Variants in COL26A1 observed in about 807,000 individuals in gnomAD.
COL26A1 encodes collagen alpha-1(XXVI) chain.
COL26A1 carries 41 observed loss-of-function variants against 59.3 expected under a neutral mutation model. That is an observed-to-expected ratio of 0.69 (90% confidence interval 0.54 to 0.90). The LOEUF (loss-of-function observed/expected upper bound fraction) is 0.90, where lower values mean the gene tolerates loss of function less well. Among genes scored for constraint, COL26A1 ranks in the 40% least tolerant of loss-of-function variants. COL26A1 has a pLI of 0.00. For missense variants in COL26A1, 612 were observed against 602.3 expected (o/e 1.02, Z -0.17); for synonymous variants, 266 against 256.0 (o/e 1.04, Z -0.37).
chr7:101,469,495 CTTTT>C (rs36116265), intron 3 of COL26A1, among the ~76,000 whole-genome samples: 1 of 145,150 alleles, frequency 6.9e-6, no homozygotes. Context: ...CGATTTCTCT[CTTTT>C]TTTTTTTTTT....
chr7:101,385,147 A>C lies in COL26A1; in HGVS notation c.158+21957A>C, dbSNP rs151334160. On this transcript the variant is annotated intron_variant, in intron 1 of 12. Coordinates refer to ENST00000313669, the MANE Select transcript of COL26A1 (RefSeq NM_001278563.3). ...TGACTCAACTGTTAATCTCCTCTGA[A>C]AACACCCAGAAACAACTAGAAACAA... 9.5e-4 allele frequency among the ~76,000 whole-genome samples: 143 copies of C among 150,052 alleles called. 2 individuals are homozygous for C. The East Asian group carries it at 0.017, about 18-fold the overall frequency.
At chr7:101,388,765 A>T (rs1791654165) in intron 1 of COL26A1, 1 of 152,204 alleles carries the variant, frequency 6.6e-6, no homozygotes. Flanking sequence ...ACAGGGTTTC[A>T]CCATGTTGGC....
chr7:101,376,843 ATTTTC>A (rs1791329738), intron 1 of COL26A1, among the ~76,000 whole-genome samples: 1 of 151,702 alleles, frequency 6.6e-6, no homozygotes, highest in African/African-American at 2.4e-5. Flanking sequence ...CTGAGGATTT[ATTTTC>A]TTTATTTTAT....
chr7:101,484,820 G>C (rs1794233880), intron 3 of COL26A1, among the ~76,000 whole-genome samples: 1 of 150,136 alleles, frequency 6.7e-6, no homozygotes, highest in African/African-American at 2.4e-5. Flanking sequence ...GTGCCACCAT[G>C]CCTGGCTAAT....
chr7:101,399,886 G>T (rs1044715967), intron 1 of COL26A1, among the ~76,000 whole-genome samples: 1 of 152,088 alleles, frequency 6.6e-6, no homozygotes, highest in African/African-American at 2.4e-5. Context: ...TTCTTCCATG[G>T]CCCCCGCTGC....
At chr7:101,456,459 G>T (rs1483870542) in intron 3 of COL26A1, among the ~76,000 whole-genome samples, 2 of 152,046 alleles carry the variant, frequency 1.3e-5, no homozygotes, top group Non-Finnish European at 2.9e-5. Context: ...GAGGTCGGGA[G>T]TTCGAGACCA....
At chr7:101,489,553 C>A (rs1794338697) in intron 3 of COL26A1, among the ~76,000 whole-genome samples, 3 of 152,188 alleles carry the variant, frequency 2.0e-5, no homozygotes, top group Admixed American at 6.5e-5. Flanking sequence ...TCCTCAGCCT[C>A]CTAAGTAGCT....
At chr7:101,386,983 C>T (rs977505105) in intron 1 of COL26A1, among the ~76,000 whole-genome samples, 2 of 152,120 alleles carry the variant, frequency 1.3e-5, no homozygotes, top group African/African-American at 4.8e-5. Flanking sequence ...AGAACCTGGC[C>T]ACGCCCCTGG....
intron 3 of COL26A1, among the ~76,000 whole-genome samples, chr7:101,489,823 TTTC>T (rs1563008111): frequency 1.0e-3 from 9 of 8,946 alleles, no homozygotes; most frequent in East Asian, 2.3e-3. Context: ...TCTTTCTTTC[TTTC>T]TTTCTTTCTT....
At chr7:101,402,535 C>A (rs1792032439) in intron 1 of COL26A1, among the ~76,000 whole-genome samples, 1 of 151,870 alleles carries the variant, frequency 6.6e-6, no homozygotes, top group Non-Finnish European at 1.5e-5. Context: ...TTTTCTCTTT[C>A]TTTTCTTCTT....
At chr7:101,545,217 T>C in intron 6 of COL26A1, 121 bp from the exon 7 acceptor site, 1 of 838,372 alleles carries the variant, frequency 1.2e-6, no homozygotes. Flanking sequence ...AGGTCACCAC[T>C]GACTGCCTGT....
At chr7:101,509,721 C>G (rs1238351809) in intron 3 of COL26A1, among the ~76,000 whole-genome samples, 1 of 152,078 alleles carries the variant, frequency 6.6e-6, no homozygotes, top group Non-Finnish European at 1.5e-5. Context: ...CCTCTTTCAG[C>G]ACTGGGGGCT....
intron 2 of COL26A1, among the ~76,000 whole-genome samples, chr7:101,441,809 C>T (rs576401763): frequency 2.6e-5 from 4 of 152,188 alleles, no homozygotes; most frequent in South Asian, 4.1e-4. Context: ...TGGGGACGGC[C>T]GAAGGGTGTG....
At position 101,540,060 on chromosome 7, in the gene COL26A1, G is replaced by A; in HGVS notation, c.604+11G>A. On this transcript the variant is annotated intron_variant, in intron 5 of 12. Transcript: ENST00000313669. ...CCACGGGCCCAGCCGGTGAGTGAGG[G>A]CTGCAGAGAGGACAGGCTGGGGCAG... 1 of 1,608,640 alleles carries A rather than the reference G, an allele frequency of 6.2e-7. No individual in the cohort carries two copies. The highest frequency in any genetic ancestry group is 8.5e-7 in the Non-Finnish European group (1 of 1,178,024).
chr7:101,535,675 G>A (rs142476985), intron 4 of COL26A1, among the ~76,000 whole-genome samples: 3,311 of 152,292 alleles, frequency 0.022, 48 homozygotes, highest in Middle Eastern at 0.088. Context: ...ACAGCAGTGC[G>A]TGGGAGGAGC....
At chr7:101,443,886 T>TTC (rs1793121294) in intron 2 of COL26A1, among the ~76,000 whole-genome samples, 1 of 150,754 alleles carries the variant, frequency 6.6e-6, no homozygotes, top group Non-Finnish European at 1.5e-5. Context: ...TTTTTTTTTT[T>TTC]TTCAGAGACA....
chr7:101,460,126 C>T (rs558839201), intron 3 of COL26A1, among the ~76,000 whole-genome samples: 1 of 152,240 alleles, frequency 6.6e-6, no homozygotes, highest in East Asian at 1.9e-4. Context: ...CAAAATGAGC[C>T]GAGTGCATAG....
intron 3 of COL26A1, among the ~76,000 whole-genome samples, chr7:101,530,729 C>T (rs983757096): frequency 2.6e-5 from 4 of 152,034 alleles, no homozygotes; most frequent in African/African-American, 9.7e-5. Context: ...CTTTGGCAGG[C>T]CCCTGTTTCC....
At chr7:101,520,633 T>TATACACACACACACACACACACACACAC (rs1452059213) in intron 3 of COL26A1, among the ~76,000 whole-genome samples, 3 of 137,224 alleles carry the variant, frequency 2.2e-5, no homozygotes, top group African/African-American at 9.5e-5. Flanking sequence ...CACAGACACA[T>TATACACACACACACACACACACACACAC]ACACACACAC....
Sources: allele counts gnomAD v4.1 joint callset (sites outside exome capture counted in the v4.1 genomes callset), GRCh38; gene constraint gnomAD v4.1.1; transcripts MANE v1.5; gene names NCBI Gene and HGNC (gene_info 2026-07-23, HGNC 2026-07-21).